The following CATSPERB variants were observed in gnomAD, a reference collection of about 807,000 sequenced individuals.
CATSPERB encodes the protein cation channel sperm-associated auxiliary subunit beta.
A neutral mutation model predicts 128.3 loss-of-function variants in CATSPERB; 93 were observed. That is an observed-to-expected ratio of 0.72 (90% CI 0.61 to 0.86). CATSPERB has a LOEUF of 0.86. Ranked by LOEUF, CATSPERB falls within the 40% of genes least tolerant of loss-of-function variation. The probability of loss-of-function intolerance (pLI) is 0.00; values close to 1 mark genes in which losing one functional copy is unlikely to be tolerated. For missense variants in CATSPERB, 1,153 were observed against 1,329.5 expected (o/e 0.87, Z 2.06); for synonymous variants, 381 against 448.8 (o/e 0.85, Z 1.91).
intron 15 of CATSPERB, among the ~76,000 whole-genome samples, chr14:91,640,963 G>C (rs1296130259): frequency 2.0e-5 from 3 of 151,140 alleles, no homozygotes; most frequent in Non-Finnish European, 1.5e-5. Flanking sequence ...TAGTGGTTTT[G>C]ATTTGCATTT....
intron 14 of CATSPERB, 74 bp from the exon 15 acceptor site, chr14:91,660,055 T>G: frequency 7.4e-7 from 1 of 1,349,576 alleles, no homozygotes; most frequent in Non-Finnish European, 1.0e-6. Flanking sequence ...TCAGCCTACA[T>G]GAGAATAGCC....
chr14:91,708,352 G>T (rs915014262), intron 5 of CATSPERB, 116 bp from the exon 6 acceptor site: 2 of 647,096 alleles, frequency 3.1e-6, no homozygotes, highest in South Asian at 2.0e-5. Context: ...CAACCATTTT[G>T]TTGGTATTTA....
At chr14:91,660,515 T>G (rs891343007) in intron 14 of CATSPERB, among the ~76,000 whole-genome samples, 1 of 152,230 alleles carries the variant, frequency 6.6e-6, no homozygotes, top group Non-Finnish European at 1.5e-5. Flanking sequence ...TTTATTACTA[T>G]AGCATCTTAG....
At chr14:91,585,163 T>C (rs1624287) in intron 26 of CATSPERB, among the ~76,000 whole-genome samples, 107,584 of 151,910 alleles carry the variant, frequency 0.71, 38,546 homozygotes, top group East Asian at 0.96. Flanking sequence ...ACTACAGGTG[T>C]GTGCCTCCAT....
chr14:91,636,347 A>G (rs1456741889), intron 17 of CATSPERB, 78 bp downstream of exon 17: 4 of 1,354,808 alleles, frequency 3.0e-6, no homozygotes, highest in African/African-American at 1.4e-5. Flanking sequence ...TGGATGACAG[A>G]GCAAGACCCT....
At chr14:91,661,038 T>A (rs1451285890) in intron 14 of CATSPERB, among the ~76,000 whole-genome samples, 2 of 152,178 alleles carry the variant, frequency 1.3e-5, no homozygotes, top group Non-Finnish European at 2.9e-5. Flanking sequence ...ACATAGGTGC[T>A]TCTGTTACTC....
In CATSPERB at chr14:91,580,860, A is replaced by G; in HGVS notation, c.*29T>C. The G allele has an allele frequency of 6.4e-7, 1 of 1,565,826 alleles. No homozygotes were observed. Among genetic ancestry groups the G allele is most frequent in the Non-Finnish European group, 8.8e-7 (1 of 1,141,030 alleles). On this transcript the variant is annotated 3_prime_UTR_variant, in exon 27 of 27. Coordinates refer to ENST00000256343, the MANE Select transcript of CATSPERB (RefSeq NM_024764.4). ...TAGGAATTGGCTGATAAAACTAGAA[A>G]ATAAAGAGAAATTATGATCACCATG...
chr14:91,703,911 G>T (rs1292736842), intron 7 of CATSPERB, among the ~76,000 whole-genome samples: 1 of 152,152 alleles, frequency 6.6e-6, no homozygotes, highest in African/African-American at 2.4e-5. Flanking sequence ...TACAACCTGG[G>T]ACTTGTGACC....
intron 26 of CATSPERB, among the ~76,000 whole-genome samples, chr14:91,583,655 T>A (rs1893247462): frequency 6.6e-6 from 1 of 152,212 alleles, no homozygotes; most frequent in South Asian, 2.1e-4. Flanking sequence ...ACAATGTCTA[T>A]TTACTCCTAA....
At chr14:91,660,054 A>G in intron 14 of CATSPERB, 73 bp from the exon 15 acceptor site, 6 of 1,361,996 alleles carry the variant, frequency 4.4e-6, no homozygotes, top group East Asian at 2.4e-5. Flanking sequence ...ATCAGCCTAC[A>G]TGAGAATAGC....
rs57018442 is a variant in CATSPERB at position 91,615,885 on chromosome 14, C to CTTT, written c.2400+1709_2400+1711dup. 3.5e-5 allele frequency among the ~76,000 whole-genome samples: 5 copies of CTTT among 142,124 alleles called. 1 individual carries two copies. Among genetic ancestry groups the CTTT allele is most frequent in the Admixed American group, 7.2e-5 (1 of 13,944 alleles). 93.2% of individuals were successfully genotyped at this position (142,124 alleles called of 152,430 possible). Reference sequence around the variant, plus strand: ...TTTGAGGATCATACATACAGTTTTCCTTTTTTTTTTGAGATGGAATCTCTC... The same window carrying CTTT: ...TTTGAGGATCATACATACAGTTTTCCTTTTTTTTTTTTTGAGATGGAATCTCTC... On this transcript the variant is annotated intron_variant, in intron 20 of 26. Coordinates refer to ENST00000256343, the MANE Select transcript of CATSPERB (RefSeq NM_024764.4).
intron 10 of CATSPERB, among the ~76,000 whole-genome samples, chr14:91,684,929 A>G (rs1041996272): frequency 6.6e-6 from 1 of 151,504 alleles, no homozygotes; most frequent in Non-Finnish European, 1.5e-5. Flanking sequence ...GAGTCACTTT[A>G]TTTATTGATT....
In CATSPERB at chr14:91,580,999, G is replaced by A. The variant is rs1341730442; in HGVS notation, c.3241C>T (p.Gln1081Ter). ...AATGTCCTCCACGGATGGATGCCTTGCAGTTGAAACATAAATGCTATAAAA... is the reference window on the plus strand; with the variant it reads ...AATGTCCTCCACGGATGGATGCCTTACAGTTGAAACATAAATGCTATAAAA... ...LIFIAFMFQLQGIHPWRTFQR... is the reference protein window; with the variant it reads ...LIFIAFMFQL Residue 1081 changes from glutamine (Q) to a stop codon, truncating the protein, a stop_gained, in exon 27 of 27, where the codon CAA becomes TAA. Coordinates refer to ENST00000256343, the MANE Select transcript of CATSPERB (RefSeq NM_024764.4). LOFTEE classifies it low-confidence loss of function (END_TRUNC). 6.2e-7 allele frequency: 1 copy of A among 1,614,138 alleles called. No homozygotes were observed. Among genetic ancestry groups the A allele is most frequent in the Non-Finnish European group, 8.5e-7 (1 of 1,179,956 alleles).
chr14:91,702,939 G>A (rs1190774397), intron 7 of CATSPERB, among the ~76,000 whole-genome samples: 1 of 151,442 alleles, frequency 6.6e-6, no homozygotes, highest in Non-Finnish European at 1.5e-5. Context: ...GGTACTTTTT[G>A]GGATTTCTTA....
At chr14:91,614,576 C>T (rs1622001) in intron 20 of CATSPERB, among the ~76,000 whole-genome samples, 137,192 of 150,446 alleles carry the variant, frequency 0.91, 62,539 homozygotes, top group East Asian at 0.97. Context: ...GAGGACTGCT[C>T]GAGCCCAGGA....
intron 25 of CATSPERB, among the ~76,000 whole-genome samples, 176 bp downstream of exon 25, chr14:91,587,802 C>T (rs1190572568): frequency 6.6e-6 from 1 of 151,886 alleles, no homozygotes; most frequent in East Asian, 1.9e-4. Flanking sequence ...AATAATAACA[C>T]CAAGGGAAAT....
intron 22 of CATSPERB, among the ~76,000 whole-genome samples, chr14:91,607,916 A>C (rs550119816): frequency 1.3e-5 from 2 of 152,256 alleles, no homozygotes; most frequent in South Asian, 2.1e-4. Flanking sequence ...TCTAGGCAGA[A>C]TCTTAGCAGG....
chr14:91,604,976 T>A, intron 22 of CATSPERB: 1 of 1,176,224 alleles, frequency 8.5e-7, no homozygotes, highest in Non-Finnish European at 1.3e-6. Flanking sequence ...TTTCTGTCCC[T>A]GAAATCTATC....
intron 5 of CATSPERB, among the ~76,000 whole-genome samples, chr14:91,713,865 C>A (rs1382265898): frequency 6.6e-6 from 1 of 151,976 alleles, no homozygotes; most frequent in Non-Finnish European, 1.5e-5. Context: ...TAAAGACATT[C>A]CAAGAAAAGA....
Sources: gnomAD v4.1 joint callset for allele counts (sites outside exome capture counted in the v4.1 genomes callset) on GRCh38, gnomAD v4.1.1 for gene constraint, MANE v1.5 for transcripts, NCBI Gene and HGNC (gene_info 2026-07-23, HGNC 2026-07-21) for gene names.